The following PARP8 variants were observed in gnomAD, a reference collection of about 807,000 sequenced individuals.
PARP8 encodes the protein protein mono-ADP-ribosyltransferase PARP8.
PARP8 carries 51 observed loss-of-function variants against 124.1 expected under a neutral mutation model. The ratio of observed to expected loss-of-function variants is 0.41; its 90% CI spans 0.33 to 0.52. PARP8 has a LOEUF of 0.52. Among genes scored for constraint, PARP8 ranks in the 20% least tolerant of loss-of-function variants. The probability of loss-of-function intolerance (pLI) is 0.21; values close to 1 mark genes in which losing one functional copy is unlikely to be tolerated. For synonymous variants in PARP8, 391 were observed against 361.5 expected, an observed-to-expected ratio of 1.08 and a Z score of -0.93; for missense variants, 860 against 1,018.9, an observed-to-expected ratio of 0.84 and a Z score of 2.12.
intron 7 of PARP8, among the ~76,000 whole-genome samples, chr5:50,773,022 ATTTG>A (rs552245180): frequency 4.2e-4 from 64 of 151,966 alleles, no homozygotes; most frequent in Middle Eastern, 3.4e-3. Flanking sequence ...AAGTCAGATT[ATTTG>A]TTTGTTTGTT....
intron 3 of PARP8, among the ~76,000 whole-genome samples, chr5:50,751,444 A>G (rs1355104355): frequency 6.6e-6 from 1 of 152,140 alleles, no homozygotes; most frequent in African/African-American, 2.4e-5. Flanking sequence ...TATATATTTA[A>G]TCTGTTTGGT....
Position 50,798,713 on chromosome 5 carries a change from C to T in PARP8, c.1575+1480C>T, listed in dbSNP as rs761006093. Among the ~76,000 whole-genome samples the T allele has an allele frequency of 2.0e-5, 3 of 152,250 alleles. No homozygotes were observed. The East Asian group carries it at 5.8e-4, about 29-fold the overall frequency. On this transcript the variant is annotated intron_variant, in intron 14 of 25. Coordinates refer to ENST00000281631, the MANE Select transcript of PARP8 (RefSeq NM_024615.4). ...TTGGAATTACAGGCGTGAACCACCG[C>T]GCCTGGCCTGAGCCACCGCACCCGG...
chr5:50,824,820 G>A (rs1449457046), intron 17 of PARP8, 88 bp from the exon 18 acceptor site: 9 of 977,608 alleles, frequency 9.2e-6, no homozygotes, highest in Middle Eastern at 2.1e-4. Context: ...TACTAGATTA[G>A]GCATATCGTT....
chr5:50,838,382 GCTTCTA>G (rs1747815365), intron 25 of PARP8, among the ~76,000 whole-genome samples: 2 of 151,894 alleles, frequency 1.3e-5, no homozygotes, highest in Admixed American at 6.6e-5. Flanking sequence ...AGTTCTCCCT[GCTTCTA>G]CTTTCTTCAT....
At chr5:50,759,044 G>A (rs912939338) in intron 3 of PARP8, among the ~76,000 whole-genome samples, 2 of 152,072 alleles carry the variant, frequency 1.3e-5, no homozygotes, top group Non-Finnish European at 2.9e-5. Context: ...AAAGTCTTCA[G>A]CTCAAATTTT....
chr5:50,724,992 G>T (rs1252164292), intron 2 of PARP8, among the ~76,000 whole-genome samples: 1 of 151,716 alleles, frequency 6.6e-6, no homozygotes, highest in Non-Finnish European at 1.5e-5. Flanking sequence ...TTAGAATATG[G>T]CCTCCAGTGC....
chr5:50,780,989 C>T (rs1240966632), intron 9 of PARP8, among the ~76,000 whole-genome samples: 1 of 151,990 alleles, frequency 6.6e-6, no homozygotes, highest in Non-Finnish European at 1.5e-5. Flanking sequence ...CATGATATAC[C>T]TGAGTCTTAA....
intron 2 of PARP8, among the ~76,000 whole-genome samples, chr5:50,685,558 T>C (rs528606623): frequency 2.0e-4 from 30 of 152,300 alleles, no homozygotes; most frequent in African/African-American, 7.2e-4. Flanking sequence ...TGAACTATCC[T>C]GAGGAAGATA....
chr5:50,675,792 G>GA (rs199754558), intron 2 of PARP8, among the ~76,000 whole-genome samples: 3 of 150,640 alleles, frequency 2.0e-5, no homozygotes, highest in African/African-American at 4.9e-5. Context: ...AACAAACCAG[G>GA]AAAAAAAAAT....
At chr5:50,680,386 T>A (rs1162001430) in intron 2 of PARP8, among the ~76,000 whole-genome samples, 1 of 152,192 alleles carries the variant, frequency 6.6e-6, no homozygotes, top group African/African-American at 2.4e-5. Flanking sequence ...AGGTCATTTG[T>A]AAACCGTTTG....
At chr5:50,738,816 T>C (rs1757737412) in intron 2 of PARP8, among the ~76,000 whole-genome samples, 1 of 152,140 alleles carries the variant, frequency 6.6e-6, no homozygotes, top group Admixed American at 6.5e-5. Context: ...CTGGACTGCA[T>C]GTGGGCCACG....
In PARP8 at chr5:50,668,291, A is replaced by G; in HGVS notation, c.146+166A>G. On this transcript the variant is annotated intron_variant, in intron 2 of 25. Coordinates refer to ENST00000281631, the MANE Select transcript of PARP8 (RefSeq NM_024615.4). Reference sequence around the variant, plus strand: ...ACGTCCCTCGGTTTTAAATAGCAGGAGGAGGGGAATCAATGTTTGATTCAG... The same window carrying G: ...ACGTCCCTCGGTTTTAAATAGCAGGGGGAGGGGAATCAATGTTTGATTCAG... 1.1e-5 allele frequency: 7 copies of G among 648,222 alleles called. No individual in the cohort carries two copies. The South Asian group carries it at 1.2e-4, about 11-fold the overall frequency. 40.2% of individuals were successfully genotyped at this position (648,222 alleles called of 1,614,324 possible).
chr5:50,667,603 T>C, intron 1 of PARP8: 1 of 699,282 alleles, frequency 1.4e-6, no homozygotes. Context: ...GCTGCGCTTG[T>C]AAGCTGCGCC....
intron 12 of PARP8, among the ~76,000 whole-genome samples, chr5:50,796,377 A>G (rs1208308159): frequency 2.6e-5 from 4 of 152,210 alleles, no homozygotes; most frequent in African/African-American, 7.2e-5. Flanking sequence ...TATGTTGACA[A>G]TTTCACATGA....
intron 14 of PARP8, among the ~76,000 whole-genome samples, chr5:50,811,767 T>C (rs1744475051): frequency 6.6e-6 from 1 of 152,082 alleles, no homozygotes; most frequent in Non-Finnish European, 1.5e-5. Context: ...AGCCCTGGTG[T>C]GTGATGTTCC....
In PARP8 at chr5:50,778,495, G is replaced by A. The variant is rs1041660766; in HGVS notation, c.580-65G>A. The A allele has an allele frequency of 1.3e-5, 18 of 1,353,834 alleles. No homozygotes were observed. In the Admixed American group the frequency reaches 2.2e-4, roughly 17 times the overall value. The allele number at this position is 1,353,834 out of a possible 1,614,324, so 83.9% of individuals were successfully genotyped here. ...GCGAACACAAGTTTTAAAAGTTTGT[G>A]TGTTTTTTTTTTCATTTTGAACTCT... On this transcript the variant is annotated intron_variant, in intron 8 of 25. Transcript: ENST00000281631.
At chr5:50,770,097 C>T (rs1387916466) in intron 7 of PARP8, among the ~76,000 whole-genome samples, 1 of 152,010 alleles carries the variant, frequency 6.6e-6, no homozygotes, top group African/African-American at 2.4e-5. Flanking sequence ...ACATTTCCCC[C>T]AGGATATGAA....
At chr5:50,667,654 C>G (rs112639637) in intron 1 of PARP8, 1 of 699,668 alleles carries the variant, frequency 1.4e-6, no homozygotes. Flanking sequence ...CGGCCCATCT[C>G]CGGCCCCTTC....
chr5:50,837,639 C>T (rs569742589), intron 25 of PARP8, among the ~76,000 whole-genome samples: 44 of 151,994 alleles, frequency 2.9e-4, no homozygotes, highest in Admixed American at 1.2e-3. Context: ...CTGATTCCCA[C>T]AGTTGAGATG....
Sources: allele counts gnomAD v4.1 joint callset (sites outside exome capture counted in the v4.1 genomes callset), GRCh38; gene constraint gnomAD v4.1.1; transcripts MANE v1.5; gene names NCBI Gene and HGNC (gene_info 2026-07-23, HGNC 2026-07-21).